Variants in SUMO2 observed in about 807,000 individuals in gnomAD.
The protein encoded by SUMO2 is small ubiquitin-related modifier 2.
In SUMO2, 1 loss-of-function variant was observed where a neutral mutation model predicts 16.0. The ratio of observed to expected loss-of-function variants is 0.06; its 90% CI spans 0.02 to 0.30. The LOEUF is 0.30. Ranked by LOEUF, SUMO2 falls within the 10% of genes least tolerant of loss-of-function variation. The pLI is 1.00. For synonymous variants in SUMO2, 36 were observed against 40.6 expected, an observed-to-expected ratio of 0.89 and a Z score of 0.43; for missense variants, 16 against 117.5, an observed-to-expected ratio of 0.14 and a Z score of 3.99.
intron 3 of SUMO2, among the ~76,000 whole-genome samples, chr17:75,173,476 CATTT>C (rs1229520814): frequency 7.1e-6 from 1 of 141,096 alleles, no homozygotes; most frequent in East Asian, 2.1e-4. Flanking sequence ...GACTGGAAGT[CATTT>C]TTTTTTTTTT....
chr17:75,173,311 T>C (rs1228506900), intron 3 of SUMO2, among the ~76,000 whole-genome samples: 2 of 151,990 alleles, frequency 1.3e-5, no homozygotes, highest in South Asian at 2.1e-4. Context: ...TACAGACACA[T>C]GCTACCATGC....
At chr17:75,168,429 A>C in intron 3 of SUMO2, 28 bp from the exon 4 acceptor site, 3 of 1,581,598 alleles carry the variant, frequency 1.9e-6, no homozygotes, top group Non-Finnish European at 1.7e-6. Flanking sequence ...ACAAATGTAA[A>C]AGCACTGATT....
chr17:75,178,938 A>C (rs2074805504), intron 2 of SUMO2, among the ~76,000 whole-genome samples: 1 of 152,008 alleles, frequency 6.6e-6, no homozygotes, highest in Admixed American at 6.6e-5. Flanking sequence ...CTGGGCAATA[A>C]GAGCAAAACT....
At chr17:75,180,418 A>AAC (rs1315035728) in intron 2 of SUMO2, among the ~76,000 whole-genome samples, 1 of 143,424 alleles carries the variant, frequency 7.0e-6, no homozygotes, top group Non-Finnish European at 1.5e-5. Flanking sequence ...AAAAAAAAAA[A>AAC]AAACGACTTC....
intron 2 of SUMO2, among the ~76,000 whole-genome samples, chr17:75,177,813 T>C (rs1016838548): frequency 4.3e-5 from 6 of 139,500 alleles, no homozygotes; most frequent in African/African-American, 1.6e-4. Flanking sequence ...GCCAACGTGG[T>C]AAAACCCCGT....
chr17:75,172,719 C>T (rs902395898), intron 3 of SUMO2, among the ~76,000 whole-genome samples: 1 of 152,036 alleles, frequency 6.6e-6, no homozygotes, highest in Admixed American at 6.6e-5. Flanking sequence ...AGGTGATCCG[C>T]CCACCTCGGC....
chr17:75,168,270 T>C lies in SUMO2; in HGVS notation c.*69A>G, dbSNP rs984300605. 2.1e-5 allele frequency: 26 copies of C among 1,247,798 alleles called. No individual in the cohort carries two copies. The highest frequency in any genetic ancestry group is 2.8e-5 in the Non-Finnish European group (25 of 902,202). The allele number at this position is 1,247,798 out of a possible 1,614,324, so 77.3% of individuals were successfully genotyped here. ...GGATGTGGTGGAACCAAATTGCAGT[T>C]TTCTAATTGAGAATGTAATCTTGGT... On this transcript the variant is annotated 3_prime_UTR_variant, in exon 4 of 4. Transcript: ENST00000420826.
At chr17:75,174,933 A>C in intron 2 of SUMO2, 110 bp from the exon 3 acceptor site, 2 of 901,660 alleles carry the variant, frequency 2.2e-6, no homozygotes, top group Non-Finnish European at 3.4e-6. Flanking sequence ...ACCTAAATAA[A>C]CAATTGCCAA....
chr17:75,170,932 A>C (rs1043081839), intron 3 of SUMO2, among the ~76,000 whole-genome samples: 1 of 151,862 alleles, frequency 6.6e-6, no homozygotes, highest in Non-Finnish European at 1.5e-5. Flanking sequence ...AAAAAATAAG[A>C]TTTTCATGTA....
intron 1 of SUMO2, among the ~76,000 whole-genome samples, 197 bp from the exon 2 acceptor site, chr17:75,181,385 C>T (rs1018731242): frequency 1.3e-5 from 2 of 152,088 alleles, no homozygotes; most frequent in African/African-American, 2.4e-5. Flanking sequence ...AGATAGCTGT[C>T]AGATACGGAA....
intron 3 of SUMO2, among the ~76,000 whole-genome samples, chr17:75,174,217 C>A (rs962617442): frequency 1.3e-5 from 2 of 151,744 alleles, no homozygotes; most frequent in African/African-American, 4.8e-5. Context: ...TGGTGAAACC[C>A]CATCCCTACC....
At chr17:75,175,173 G>A (rs759549197) in intron 2 of SUMO2, among the ~76,000 whole-genome samples, 6 of 152,054 alleles carry the variant, frequency 3.9e-5, no homozygotes, top group Admixed American at 6.6e-5. Flanking sequence ...AGTAGAGACT[G>A]GGTTTCATCA....
In SUMO2 at chr17:75,167,185, G is replaced by A. The variant is rs576244362; in HGVS notation, c.*1154C>T. 2.0e-5 allele frequency: 3 copies of A among 150,526 alleles called. No individual in the cohort carries two copies. Among genetic ancestry groups the A allele is most frequent in the South Asian group, 4.3e-4 (2 of 4,704 alleles). 9.3% of individuals were successfully genotyped at this position (150,526 alleles called of 1,614,324 possible). A position where few individuals can be genotyped will look rare whatever the true frequency, so the allele number is the denominator to read the frequency against. Reference sequence around the variant, plus strand: ...ATAGAAAAAAAATTAGCTGGGCGTGGTGGCATGCACCTATGACCCCCCAGC... The same window carrying A: ...ATAGAAAAAAAATTAGCTGGGCGTGATGGCATGCACCTATGACCCCCCAGC... On this transcript the variant is annotated 3_prime_UTR_variant, in exon 4 of 4. Transcript: ENST00000420826.
chr17:75,172,768 C>G (rs1447094458), intron 3 of SUMO2, among the ~76,000 whole-genome samples: 1 of 152,024 alleles, frequency 6.6e-6, no homozygotes, highest in Non-Finnish European at 1.5e-5. Flanking sequence ...AGCCACTGCG[C>G]CCGGCGATGC....
intron 3 of SUMO2, among the ~76,000 whole-genome samples, chr17:75,171,067 G>GT (rs35302801): frequency 0.08 from 11,967 of 149,160 alleles, 614 homozygotes; most frequent in Non-Finnish European, 0.11. Context: ...GTAAGGGGCA[G>GT]TTAAAAAAAA....
chr17:75,177,937 C>A (rs575879852), intron 2 of SUMO2, among the ~76,000 whole-genome samples: 5 of 128,716 alleles, frequency 3.9e-5, no homozygotes, highest in African/African-American at 1.4e-4. Flanking sequence ...TGCAGTGAGC[C>A]GAGATTATGT....
intron 3 of SUMO2, among the ~76,000 whole-genome samples, chr17:75,169,676 C>A (rs1339118939): frequency 6.6e-6 from 1 of 151,968 alleles, no homozygotes; most frequent in Non-Finnish European, 1.5e-5. Context: ...AACCACTGCA[C>A]CCGGCCTAAA....
intron 3 of SUMO2, among the ~76,000 whole-genome samples, chr17:75,172,944 C>T (rs1393700715): frequency 6.6e-6 from 1 of 152,106 alleles, no homozygotes. Context: ...GAGAGACTGT[C>T]ACCAGTTGAA....
intron 3 of SUMO2, among the ~76,000 whole-genome samples, chr17:75,169,377 A>T (rs1054679487): frequency 4.2e-4 from 64 of 151,264 alleles, no homozygotes; most frequent in African/African-American, 2.4e-4. Flanking sequence ...CATCCCTATT[A>T]AAAAAAAATT....
Sources: gnomAD v4.1 joint callset for allele counts (sites outside exome capture counted in the v4.1 genomes callset) on GRCh38, gnomAD v4.1.1 for gene constraint, MANE v1.5 for transcripts, NCBI Gene and HGNC (gene_info 2026-07-23, HGNC 2026-07-21) for gene names.